DCAF8L2: variants seen among roughly 807,000 people sequenced by gnomAD.
DCAF8L2 encodes DDB1- and CUL4-associated factor 8-like protein 2.
For missense variants in DCAF8L2, 430 were observed against 490.7 expected (o/e 0.88, Z 1.17); for synonymous variants, 200 against 190.9 (o/e 1.05, Z -0.39).
chrX:27,555,128 GC>G, the DCAF8L2 span, among the ~76,000 whole-genome samples: 1 of 111,556 alleles, frequency 9.0e-6, no homozygotes, highest in African/African-American at 3.3e-5. Flanking sequence ...TACCTGACAG[GC>G]AATGGCTGAG....
intron 3 of DCAF8L2, among the ~76,000 whole-genome samples, chrX:27,695,420 C>A (rs1930858045): frequency 8.9e-6 from 1 of 111,923 alleles, no homozygotes; most frequent in Non-Finnish European, 1.9e-5. Flanking sequence ...TTGGAATGGG[C>A]TGCAGAATGG....
chrX:27,737,442 A>G (rs1921594325), intron 4 of DCAF8L2, among the ~76,000 whole-genome samples: 1 of 111,864 alleles, frequency 8.9e-6, no homozygotes, highest in South Asian at 3.7e-4. Context: ...GGACTGAAAC[A>G]AAGTGAGTCT....
At chrX:27,670,985 G>C (rs924921250) in intron 2 of DCAF8L2, among the ~76,000 whole-genome samples, 2 of 111,878 alleles carry the variant, frequency 1.8e-5, no homozygotes, top group Non-Finnish European at 3.8e-5. Context: ...TCAACATTAG[G>C]CATTCCTTTA....
At chrX:27,472,717 T>C in the DCAF8L2 span, among the ~76,000 whole-genome samples, 2 of 112,145 alleles carry the variant, frequency 1.8e-5, no homozygotes, top group African/African-American at 6.5e-5. Context: ...GAAAAGGACA[T>C]GATCTCATTC....
rs1348296444 is a variant in DCAF8L2, at chrX:27,709,082, G to T, written c.-142-7006G>T. Among the ~76,000 whole-genome samples the T allele has an allele frequency of 3.0e-4, 33 of 111,474 alleles. 1 individual carries two copies. The Admixed American group carries it at 3.0e-3, about 10-fold the overall frequency. On this transcript the variant is annotated intron_variant, in intron 3 of 4. Coordinates refer to ENST00000451261, the MANE Select transcript of DCAF8L2 (RefSeq NM_001353450.2). ...TTACAGGCATGTGCCACCACGCCCG[G>T]CTAATTTGGTATTTTTTTAGTAGAG...
At chrX:27,678,834 TTTATA>T (rs1435866817) in intron 3 of DCAF8L2, among the ~76,000 whole-genome samples, 1 of 111,702 alleles carries the variant, frequency 9.0e-6, no homozygotes, top group Non-Finnish European at 1.9e-5. Flanking sequence ...AATGGTAAAT[TTTATA>T]TTATATGTAT....
the DCAF8L2 span, among the ~76,000 whole-genome samples, chrX:27,517,461 T>C: frequency 9.2e-5 from 10 of 109,199 alleles, no homozygotes; most frequent in African/African-American, 3.4e-4. Context: ...CACATACGCA[T>C]TTGTCAGACA....
At chrX:27,587,985 A>AAATAT, upstream of DCAF8L2, among the ~76,000 whole-genome samples, 21 of 22,356 alleles carry the variant, frequency 9.4e-4, no homozygotes, top group Admixed American at 1.9e-3. Context: ...TAAAAAAAAA[A>AAATAT]ATATATATAT....
intron 2 of DCAF8L2, among the ~76,000 whole-genome samples, chrX:27,652,559 A>G (rs1929192294): frequency 8.9e-6 from 1 of 112,123 alleles, no homozygotes; most frequent in African/African-American, 3.2e-5. Flanking sequence ...TATGAGATTG[A>G]GGAGTGTCTT....
intron 3 of DCAF8L2, among the ~76,000 whole-genome samples, chrX:27,703,923 CAAAGATCACCAT>C (rs1476281454): frequency 9.3e-6 from 1 of 107,841 alleles, no homozygotes; most frequent in African/African-American, 3.4e-5. Flanking sequence ...TATTTGCACC[CAAAGATCACCAT>C]AAAGGAAGTG....
intron 2 of DCAF8L2, chrX:27,633,373 G>T (rs947206022): frequency 8.9e-6 from 1 of 111,791 alleles, no homozygotes; most frequent in Non-Finnish European, 1.9e-5. Flanking sequence ...CCAGGAAATT[G>T]TACAGCATAA....
chrX:27,485,924 CTTTTTT>C, the DCAF8L2 span, among the ~76,000 whole-genome samples: 16 of 58,830 alleles, frequency 2.7e-4, no homozygotes, highest in Non-Finnish European at 3.9e-4. Flanking sequence ...TTCTTTTTCT[CTTTTTT>C]TTTTTTTTTT....
At chrX:27,721,431 C>G (rs6630566) in intron 4 of DCAF8L2, among the ~76,000 whole-genome samples, 2 of 110,810 alleles carry the variant, frequency 1.8e-5, no homozygotes, top group Admixed American at 1.9e-4. Flanking sequence ...TCCTGAATAT[C>G]GTAGAACTAC....
At chrX:27,603,838 A>G (rs907471552) in intron 1 of DCAF8L2, among the ~76,000 whole-genome samples, 10 of 111,703 alleles carry the variant, frequency 9.0e-5, no homozygotes, top group African/African-American at 3.2e-4. Context: ...CTCTGTAACC[A>G]TTTGTAATGT....
chrX:27,615,595 A>G (rs1348371415), intron 1 of DCAF8L2, among the ~76,000 whole-genome samples: 3 of 108,443 alleles, frequency 2.8e-5, no homozygotes, highest in African/African-American at 1.1e-4. Flanking sequence ...AGTGACCTGG[A>G]AATAGATTCA....
rs1411593853 is a variant in DCAF8L2 at position 27,747,182 on chromosome X, G to A, written c.287G>A (p.Ser96Asn). 1 of 1,166,796 alleles carries A rather than the reference G, an allele frequency of 8.6e-7. No individual in the cohort carries two copies. The highest frequency in any genetic ancestry group is 1.1e-6 in the Non-Finnish European group (1 of 872,702). The stretch of plus-strand genomic sequence containing the variant: ...GAGGACTTTGAGCATTTCCTCATGA[G>A]TGGTGAAAGTTTATTCCATTACCCT... ...SLEDFEHFLMSGESLFHYPLV... is the reference protein window; with the variant it reads ...SLEDFEHFLMNGESLFHYPLV... The change falls in exon 5 of 5, where the codon AGT becomes AAT. Residue 96 changes from serine to asparagine, a missense_variant. Coordinates refer to ENST00000451261, the MANE Select transcript of DCAF8L2 (RefSeq NM_001353450.2).
intron 2 of DCAF8L2, among the ~76,000 whole-genome samples, chrX:27,636,610 T>C (rs957134322): frequency 1.8e-5 from 2 of 111,138 alleles, no homozygotes; most frequent in African/African-American, 3.3e-5. Flanking sequence ...GTATATCAGG[T>C]GGTCTGAATG....
intron 1 of DCAF8L2, among the ~76,000 whole-genome samples, chrX:27,593,252 A>G (rs2147109778): frequency 9.0e-6 from 1 of 111,476 alleles, no homozygotes; most frequent in East Asian, 2.9e-4. Context: ...ACCCTTGGCA[A>G]CCACCATTCT....
At chrX:27,632,334 C>T (rs1194526469) in intron 2 of DCAF8L2, 2 of 111,284 alleles carry the variant, frequency 1.8e-5, no homozygotes, top group Non-Finnish European at 3.8e-5. Flanking sequence ...GCTGATGTCT[C>T]TCCCCAGTAT....
Sources: gnomAD v4.1 joint callset for allele counts (sites outside exome capture counted in the v4.1 genomes callset) on GRCh38, gnomAD v4.1.1 for gene constraint, MANE v1.5 for transcripts, NCBI Gene and HGNC (gene_info 2026-07-23, HGNC 2026-07-21) for gene names.